The following PCDHGA4 variants were observed in gnomAD, a reference collection of about 807,000 sequenced individuals.
The protein encoded by PCDHGA4 is protocadherin gamma subfamily A, 4.
PCDHGA4 carries 38 observed loss-of-function variants against 54.6 expected under a neutral mutation model. The observed-to-expected ratio is 0.70, with a 90% CI of 0.54 to 0.91. The LOEUF (loss-of-function observed/expected upper bound fraction) is 0.91, where lower values mean the gene tolerates loss of function less well. Among genes scored for constraint, PCDHGA4 ranks in the 40% least tolerant of loss-of-function variants. The probability of loss-of-function intolerance (pLI) is 0.00; values close to 1 mark genes in which losing one functional copy is unlikely to be tolerated. For synonymous variants in PCDHGA4, 511 were observed against 512.9 expected (o/e 1.00, Z 0.05); for missense variants, 1,298 against 1,220.9 (o/e 1.06, Z -0.94).
At chr5:141,458,632 C>T (rs779075931) in intron 1 of PCDHGA4, among the ~76,000 whole-genome samples, 1 of 151,898 alleles carries the variant, frequency 6.6e-6, no homozygotes, top group Non-Finnish European at 1.5e-5. Context: ...TGCAGTGGCA[C>T]AATCCCAGCT....
Position 141,486,486 on chromosome 5 carries a change from A to G in PCDHGA4, c.2515-8321A>G. The G allele has an allele frequency of 6.2e-7, 1 of 1,614,056 alleles. No individual in the cohort carries two copies. Among genetic ancestry groups the G allele is most frequent in the South Asian group, 1.1e-5 (1 of 91,084 alleles). ...GCTGGGAACCCTCCTCTCAGTACCC[A>G]CAGAACTATTTTCCTCAATATTTCA... On this transcript the variant is annotated intron_variant, in intron 1 of 3. Coordinates refer to ENST00000571252, the MANE Select transcript of PCDHGA4 (RefSeq NM_018917.4). The surrounding 1 kb of genome is among the most constrained non-coding windows in gnomAD (Gnocchi z 5.0).
intron 1 of PCDHGA4, chr5:141,383,195 G>C: frequency 2.5e-6 from 4 of 1,614,044 alleles, no homozygotes; most frequent in Non-Finnish European, 3.4e-6. Flanking sequence ...TGCGCTCAGA[G>C]TGCGCGGTGT....
At chr5:141,366,995 A>T in intron 1 of PCDHGA4, 2 of 462,060 alleles carry the variant, frequency 4.3e-6, no homozygotes, top group Non-Finnish European at 3.7e-6. Context: ...GGTTAAATAT[A>T]ATCATTTTAC....
rs756706355 is a variant in PCDHGA4 at position 141,486,950 on chromosome 5, G to C, written c.2515-7857G>C. 6.2e-7 allele frequency: 1 copy of C among 1,614,202 alleles called. No homozygotes were observed. Among genetic ancestry groups the C allele is most frequent in the East Asian group, 2.2e-5 (1 of 44,876 alleles). On this transcript the variant is annotated intron_variant, in intron 1 of 3. Coordinates refer to ENST00000571252, the MANE Select transcript of PCDHGA4 (RefSeq NM_018917.4). The surrounding 1 kb of genome is among the most constrained non-coding windows in gnomAD (Gnocchi z 5.0). ...TGGTGCTGGCCACCTAATCACAAAG[G>C]TGACTGCTGTGGACTTGGATTCAGG...
intron 1 of PCDHGA4, chr5:141,408,700 A>G (rs748315700): frequency 3.1e-6 from 5 of 1,613,470 alleles, no homozygotes; most frequent in Admixed American, 3.3e-5. Flanking sequence ...ACATAAACTC[A>G]ATTAAAGATT....
chr5:141,499,570 A>G (rs1027373056), intron 2 of PCDHGA4, among the ~76,000 whole-genome samples: 2 of 152,200 alleles, frequency 1.3e-5, no homozygotes, highest in African/African-American at 4.8e-5. Context: ...TCCAGCTTCA[A>G]CTAATGCCTT....
rs2096175268 is a variant in PCDHGA4, at chr5:141,417,870, G to A, written c.2514+60249G>A. On this transcript the variant is annotated intron_variant, in intron 1 of 3. Transcript: ENST00000571252. ...GAACCCGAGCGAACGATGGGAGGGA[G>A]CTGCGCGCAGAGGCGCCGGGCCGGC... 3 of 1,553,910 alleles carry A rather than the reference G, an allele frequency of 1.9e-6. No homozygotes were observed. Among genetic ancestry groups the A allele is most frequent in the Admixed American group, 2.0e-5 (1 of 51,084 alleles).
At chr5:141,377,813 T>C (rs1254239547) in intron 1 of PCDHGA4, 2 of 152,194 alleles carry the variant, frequency 1.3e-5, no homozygotes, top group African/African-American at 2.4e-5. Flanking sequence ...TGTTATTTAC[T>C]TGGGCCAGTT....
chr5:141,470,490 A>C (rs1193023083), intron 1 of PCDHGA4, among the ~76,000 whole-genome samples: 1 of 152,202 alleles, frequency 6.6e-6, no homozygotes, highest in African/African-American at 2.4e-5. Context: ...TCTGGGAATA[A>C]TATTAGGTAA....
Position 141,476,279 on chromosome 5 carries a change from G to T in PCDHGA4, c.2515-18528G>T. The T allele has an allele frequency of 6.2e-7, 1 of 1,614,148 alleles. No individual in the cohort carries two copies. Among genetic ancestry groups the T allele is most frequent in the Non-Finnish European group, 8.5e-7 (1 of 1,180,024 alleles). On this transcript the variant is annotated intron_variant, in intron 1 of 3. Coordinates refer to ENST00000571252, the MANE Select transcript of PCDHGA4 (RefSeq NM_018917.4). This position sits in a 1 kb window ranked among gnomAD's most constrained non-coding sequence, Gnocchi z 7.6. ...TGTGGGCAACGTGGTCGCGAACCTT[G>T]GTTTGGATCTCGGTAGCCTCTCAGC...
chr5:141,408,131 G>C, intron 1 of PCDHGA4: 1 of 1,482,338 alleles, frequency 6.7e-7, no homozygotes, highest in South Asian at 1.4e-5. Flanking sequence ...TGGGCCGAAT[G>C]CTCTTTTAGC....
chr5:141,373,139 A>G (rs886915700), intron 1 of PCDHGA4, among the ~76,000 whole-genome samples: 1 of 152,238 alleles, frequency 6.6e-6, no homozygotes, highest in Non-Finnish European at 1.5e-5. Flanking sequence ...CCTCACAATT[A>G]AGTGGTTTAC....
intron 1 of PCDHGA4, among the ~76,000 whole-genome samples, chr5:141,484,821 G>A (rs1367529999): frequency 6.6e-6 from 1 of 152,122 alleles, no homozygotes; most frequent in Admixed American, 6.5e-5. Context: ...CGTTGAGCGG[G>A]AGGAAGGCGA....
chr5:141,478,652 G>A (rs188883724), intron 1 of PCDHGA4: 2 of 1,551,970 alleles, frequency 1.3e-6, no homozygotes, highest in East Asian at 2.4e-5. Flanking sequence ...TGTTTTCCTG[G>A]TGATGCATTC....
chr5:141,413,188 A>C, intron 1 of PCDHGA4: 4 of 1,606,680 alleles, frequency 2.5e-6, no homozygotes, highest in Non-Finnish European at 3.4e-6. Flanking sequence ...GGCCGCTCAA[A>C]GGAATCGCTC....
Position 141,357,187 on chromosome 5 carries a change from G to C in PCDHGA4, c.2080G>C (p.Ala694Pro). The C allele has an allele frequency of 6.2e-7, 1 of 1,613,776 alleles. No individual in the cohort carries two copies. The highest frequency in any genetic ancestry group is 1.1e-5 in the South Asian group (1 of 91,082). The stretch of plus-strand genomic sequence containing the variant: ...CTCGGCCACCGTCACACTCACTGTG[G>C]CTGTGGCCGACAGCATCCCAGATGT... ...PLSATVTLTVAVADSIPDVLA... is the reference protein window; with the variant it reads ...PLSATVTLTVPVADSIPDVLA... Residue 694 changes from alanine to proline, a missense_variant, in exon 1 of 4, where the codon GCT becomes CCT. Ala to Pro is a conservative substitution (Grantham distance 27). Coordinates refer to ENST00000571252, the MANE Select transcript of PCDHGA4 (RefSeq NM_018917.4).
At chr5:141,418,307 A>C (rs372854408) in intron 1 of PCDHGA4, 24 of 1,613,982 alleles carry the variant, frequency 1.5e-5, no homozygotes, top group Non-Finnish European at 2.0e-5. Context: ...CAGCCTGGGG[A>C]TGGGAACAAT....
chr5:141,398,212 C>T, intron 1 of PCDHGA4: 1 of 1,484,360 alleles, frequency 6.7e-7, no homozygotes, highest in South Asian at 1.3e-5. Flanking sequence ...CTGCCCGGCG[C>T]TCTGTGAGCA....
Position 141,477,649 on chromosome 5 carries a change from A to G in PCDHGA4, c.2515-17158A>G, listed in dbSNP as rs2099415032. 3.7e-6 allele frequency: 6 copies of G among 1,614,076 alleles called. No individual in the cohort carries two copies. Among genetic ancestry groups the G allele is most frequent in the Non-Finnish European group, 5.1e-6 (6 of 1,180,048 alleles). ...CCGGGCTAGTGGGTCGCTATTTCAC[A>G]ATAAATCGTGACAATGGCATAGTGT... On this transcript the variant is annotated intron_variant, in intron 1 of 3. Transcript: ENST00000571252. The surrounding 1 kb of genome is among the most constrained non-coding windows in gnomAD (Gnocchi z 4.9).
Sources: gnomAD v4.1 joint callset for allele counts (sites outside exome capture counted in the v4.1 genomes callset) on GRCh38, gnomAD v4.1.1 for gene constraint, Gnocchi (gnomAD v3.1) non-coding constraint, MANE v1.5 for transcripts, NCBI Gene and HGNC (gene_info 2026-07-23, HGNC 2026-07-21) for gene names.